Variants in LYPD6 observed in about 807,000 individuals in gnomAD.
The protein encoded by LYPD6 is ly6/PLAUR domain-containing protein 6.
LYPD6 carries 15 observed loss-of-function variants against 22.7 expected under a neutral mutation model. That is an observed-to-expected ratio of 0.66 (90% CI 0.44 to 1.02). The LOEUF is 1.02. LYPD6 is among the 50% of genes least tolerant of loss of function. LYPD6 has a pLI of 0.00. For missense variants in LYPD6, 189 were observed against 208.4 expected, an observed-to-expected ratio of 0.91 and a Z score of 0.57; for synonymous variants, 72 against 77.5, an observed-to-expected ratio of 0.93 and a Z score of 0.37.
At chr2:149,336,088 C>G (rs1371886037) in intron 1 of LYPD6, among the ~76,000 whole-genome samples, 3 of 152,166 alleles carry the variant, frequency 2.0e-5, no homozygotes, top group African/African-American at 7.2e-5. Flanking sequence ...GATTCCAGTT[C>G]CCTCCTCATT....
intron 1 of LYPD6, among the ~76,000 whole-genome samples, chr2:149,418,208 A>C (rs1238678688): frequency 6.6e-6 from 1 of 152,210 alleles, no homozygotes; most frequent in Non-Finnish European, 1.5e-5. Flanking sequence ...AAGGGAACAA[A>C]GATTTCCAGG....
At chr2:149,377,527 TC>T (rs1331463394) in intron 1 of LYPD6, among the ~76,000 whole-genome samples, 1 of 152,086 alleles carries the variant, frequency 6.6e-6, no homozygotes, top group East Asian at 1.9e-4. Context: ...ATACCTGTAA[TC>T]CCAGTATTTG....
intron 2 of LYPD6, among the ~76,000 whole-genome samples, chr2:149,438,373 A>G (rs1406003850): frequency 6.6e-6 from 1 of 152,164 alleles, no homozygotes; most frequent in Non-Finnish European, 1.5e-5. Context: ...GTACCTGTGC[A>G]TTTTTGCATT....
intron 1 of LYPD6, among the ~76,000 whole-genome samples, chr2:149,392,091 A>G (rs918186618): frequency 3.9e-5 from 6 of 152,156 alleles, no homozygotes; most frequent in African/African-American, 9.7e-5. Context: ...TTTGCCTTCT[A>G]GTTGTGTCCT....
intron 3 of LYPD6, chr2:149,464,152 TG>T: frequency 2.5e-6 from 1 of 400,408 alleles, no homozygotes; most frequent in South Asian, 1.9e-5. Context: ...AAAAATCAAT[TG>T]TTTTGATCAG....
At chr2:149,421,087 G>C (rs1005309328) in intron 1 of LYPD6, among the ~76,000 whole-genome samples, 1 of 151,970 alleles carries the variant, frequency 6.6e-6, no homozygotes, top group Non-Finnish European at 1.5e-5. Flanking sequence ...GGCCCTTTTT[G>C]ATACCCTCTT....
chr2:149,382,806 T>C (rs906660447), intron 1 of LYPD6, among the ~76,000 whole-genome samples: 3 of 83,122 alleles, frequency 3.6e-5, no homozygotes, highest in East Asian at 7.8e-4. Flanking sequence ...CTCATTAATA[T>C]AACAAATTTA....
intron 1 of LYPD6, among the ~76,000 whole-genome samples, chr2:149,381,996 A>G (rs1464096338): frequency 1.3e-5 from 2 of 152,176 alleles, no homozygotes; most frequent in East Asian, 3.9e-4. Context: ...CTAGAGAGAA[A>G]AGATCAGATT....
Position 149,337,285 on chromosome 2 carries a change from A to G in LYPD6, c.-72+6563A>G, listed in dbSNP as rs536952722. On this transcript the variant is annotated intron_variant, in intron 1 of 4. Transcript: ENST00000334166. ...TAAGCATGTAGAAATTTGAAATAAG[A>G]GTTTCTAGGGCCCATTGTATCCTCT... Among the ~76,000 whole-genome samples the G allele has an allele frequency of 3.3e-5, 5 of 152,212 alleles. No individual in the cohort carries two copies. In the South Asian group the frequency reaches 8.3e-4, roughly 25 times the overall value.
At chr2:149,388,178 CTCT>C (rs1318310897) in intron 1 of LYPD6, among the ~76,000 whole-genome samples, 38 of 38,490 alleles carry the variant, frequency 9.9e-4, no homozygotes, top group South Asian at 2.3e-3. Context: ...CTCTCTCTCT[CTCT>C]TTTTTTTTTT....
chr2:149,333,044 A>G (rs1054640620), intron 1 of LYPD6, among the ~76,000 whole-genome samples: 2 of 152,210 alleles, frequency 1.3e-5, no homozygotes, highest in African/African-American at 4.8e-5. Flanking sequence ...TAAGCTCTGT[A>G]GACGATTAAC....
intron 1 of LYPD6, among the ~76,000 whole-genome samples, chr2:149,358,535 C>T (rs138285967): frequency 0.014 from 2,116 of 152,142 alleles, 56 homozygotes; most frequent in African/African-American, 0.048. Context: ...GAGCATAAAG[C>T]GGCATGGGCA....
chr2:149,432,762 G>A (rs1683345376), intron 1 of LYPD6, among the ~76,000 whole-genome samples: 1 of 152,076 alleles, frequency 6.6e-6, no homozygotes, highest in African/African-American at 2.4e-5. Flanking sequence ...TCCAAATAGT[G>A]TTAGGACACC....
intron 3 of LYPD6, among the ~76,000 whole-genome samples, chr2:149,466,952 G>A (rs994759309): frequency 2.6e-5 from 4 of 152,150 alleles, no homozygotes; most frequent in East Asian, 1.9e-4. Context: ...GACCATAAAC[G>A]TCCATCGAGT....
At chr2:149,415,736 G>A (rs1162061920) in intron 1 of LYPD6, among the ~76,000 whole-genome samples, 2 of 152,056 alleles carry the variant, frequency 1.3e-5, no homozygotes, top group Admixed American at 1.3e-4. Context: ...GCATGATCAC[G>A]GCTCACTGCA....
intron 3 of LYPD6, among the ~76,000 whole-genome samples, chr2:149,465,892 C>A (rs1362996571): frequency 6.6e-6 from 1 of 152,088 alleles, no homozygotes; most frequent in Non-Finnish European, 1.5e-5. Flanking sequence ...CTGGGAATAC[C>A]ATGTAGTTGC....
chr2:149,392,849 C>T (rs1682342555), intron 1 of LYPD6, among the ~76,000 whole-genome samples: 1 of 152,096 alleles, frequency 6.6e-6, no homozygotes, highest in African/African-American at 2.4e-5. Context: ...TATGGTGAAA[C>T]TCCGTCTCTT....
chr2:149,415,447 A>G (rs773128571), intron 1 of LYPD6, among the ~76,000 whole-genome samples: 1 of 152,102 alleles, frequency 6.6e-6, no homozygotes, highest in Non-Finnish European at 1.5e-5. Flanking sequence ...AAGGGGGCTA[A>G]GCCTAGAGAT....
downstream of LYPD6, among the ~76,000 whole-genome samples, chr2:149,478,648 T>C (rs143254202): frequency 1.7e-3 from 264 of 152,184 alleles, 1 homozygote; most frequent in African/African-American, 6.1e-3. Flanking sequence ...GGTCGAAAAC[T>C]CCTGGCCTCA....
Sources: gnomAD v4.1 joint callset for allele counts (sites outside exome capture counted in the v4.1 genomes callset) on GRCh38, gnomAD v4.1.1 for gene constraint, MANE v1.5 for transcripts, NCBI Gene and HGNC (gene_info 2026-07-23, HGNC 2026-07-21) for gene names.